ABCC6: variants seen among roughly 807,000 people sequenced by gnomAD.
ABCC6 encodes the protein ATP-binding cassette sub-family C member 6.
A neutral mutation model predicts 169.5 loss-of-function variants in ABCC6; 126 were observed. That is an observed-to-expected ratio of 0.74 (90% CI 0.64 to 0.86). The LOEUF is 0.86. Ranked by LOEUF, ABCC6 falls within the 40% of genes least tolerant of loss-of-function variation. The pLI is 0.00. For synonymous variants in ABCC6, 752 were observed against 814.7 expected (o/e 0.92, Z 1.31); for missense variants, 1,733 against 1,927.2 (o/e 0.90, Z 1.89).
At chr16:16,150,918 G>T in intron 29 of ABCC6, 146 bp from the exon 30 acceptor site, 5 of 1,489,296 alleles carry the variant, frequency 3.4e-6, no homozygotes, top group South Asian at 1.3e-5. Flanking sequence ...TGGGGTCTGT[G>T]GTCTGCAGAA....
intron 7 of ABCC6, among the ~76,000 whole-genome samples, chr16:16,205,305 A>C (rs2048358870): frequency 6.6e-6 from 1 of 152,216 alleles, no homozygotes; most frequent in African/African-American, 2.4e-5. Flanking sequence ...AGAGATGGCG[A>C]CAGCCGCCCG....
chr16:16,204,928 T>C (rs1282521741), intron 7 of ABCC6, among the ~76,000 whole-genome samples: 1 of 151,180 alleles, frequency 6.6e-6, no homozygotes, highest in African/African-American at 2.4e-5. Context: ...CTCTGCCTCC[T>C]GGGTTCAAGC....
chr16:16,178,006 AAGAG>A (rs909161695), intron 18 of ABCC6, among the ~76,000 whole-genome samples: 64 of 147,230 alleles, frequency 4.3e-4, no homozygotes, highest in African/African-American at 1.0e-3. Flanking sequence ...GAAGGAAGGA[AAGAG>A]AGAGAGAGAG....
chr16:16,169,937 G>A, intron 21 of ABCC6, 84 bp from the exon 22 acceptor site: 1 of 1,381,988 alleles, frequency 7.2e-7, no homozygotes, highest in Middle Eastern at 2.4e-4. Context: ...GAGGCTCCCA[G>A]AAAACATGCC....
At chr16:16,190,887 G>A (rs1226935998) in intron 11 of ABCC6, among the ~76,000 whole-genome samples, 2 of 130,562 alleles carry the variant, frequency 1.5e-5, no homozygotes, top group African/African-American at 5.6e-5. Flanking sequence ...TGGAGAAGAG[G>A]GAGGGGAGGG....
chr16:16,212,366 C>T lies in ABCC6; in HGVS notation c.601-120G>A, dbSNP rs892546971. The T allele has an allele frequency of 3.0e-4, 224 of 751,968 alleles. 1 individual carries two copies. The highest frequency in any genetic ancestry group is 4.5e-4 in the Non-Finnish European group (189 of 423,622). 46.6% of individuals were successfully genotyped at this position (751,968 alleles called of 1,614,324 possible). On this transcript the variant is annotated intron_variant, in intron 5 of 30. Transcript: ENST00000205557. ...CTCTGTTGCCCAGGCCAGAGTACAG[C>T]GGTGTGATCTTGGCTCACTACTACC...
At chr16:16,217,063 A>G (rs1017011275) in intron 4 of ABCC6, among the ~76,000 whole-genome samples, 5 of 151,926 alleles carry the variant, frequency 3.3e-5, no homozygotes, top group Non-Finnish European at 7.4e-5. Context: ...GAGCTAATGA[A>G]CCCCCTTGAC....
chr16:16,203,582 C>T lies in ABCC6; in HGVS notation c.826G>A (p.Gly276Ser), dbSNP rs200051606. Residue 276 changes from glycine to serine, a missense_variant, in exon 8 of 31, where the codon GGC becomes AGC. Around this residue, in one of 5 missense-constraint regions of ABCC6, gnomAD observed 1,601 missense variants for 1,635.5 expected, o/e 0.98. Coordinates refer to ENST00000205557, the MANE Select transcript of ABCC6 (RefSeq NM_001171.6). Reference protein sequence around the residue: ...HNKAIAFKRKGGSGMKAPETE... With the variant: ...HNKAIAFKRKSGSGMKAPETE... Reference sequence around the variant, plus strand: ...TCTGGAGCCTTCATGCCACTGCCGCCTTTCCTTTTAAATGCTATTGCCTTG... The same window carrying T: ...TCTGGAGCCTTCATGCCACTGCCGCTTTTCCTTTTAAATGCTATTGCCTTG... The T allele has an allele frequency of 6.2e-6, 10 of 1,614,058 alleles. No homozygotes were observed. The East Asian group carries it at 2.2e-4, about 36-fold the overall frequency.
At chr16:16,181,881 C>T (rs944196855) in intron 17 of ABCC6, 4 of 165,376 alleles carry the variant, frequency 2.4e-5, no homozygotes, top group Admixed American at 5.8e-5. Flanking sequence ...TGCAGTGAGC[C>T]GAGATTGCAT....
chr16:16,181,333 A>G lies in ABCC6; in HGVS notation c.2247+1079T>C, dbSNP rs558862238. 6.7e-5 allele frequency among the ~76,000 whole-genome samples: 9 copies of G among 135,076 alleles called. No homozygotes were observed. The East Asian group carries it at 2.0e-3, about 30-fold the overall frequency. 88.6% of individuals were successfully genotyped at this position (135,076 alleles called of 152,430 possible). A position where few individuals can be genotyped will look rare whatever the true frequency, so the allele number is the denominator to read the frequency against. On this transcript the variant is annotated intron_variant, in intron 17 of 30. Coordinates refer to ENST00000205557, the MANE Select transcript of ABCC6 (RefSeq NM_001171.6). ...ACTCCAGCCTGGGCAACAGAGCGAG[A>G]CTCCGTCTCAGAAAAAAAAAAAAAA... is the stretch of plus-strand genomic sequence containing the variant.
chr16:16,189,827 T>C lies in ABCC6; in HGVS notation c.1635+337A>G, dbSNP rs566893307. On this transcript the variant is annotated intron_variant, in intron 12 of 30. Coordinates refer to ENST00000205557, the MANE Select transcript of ABCC6 (RefSeq NM_001171.6). ...ATCACGTCCAGTGACAGGGTGGCTA[T>C]GGACATCTGCTGGCCAGGATCAGGG... Among the ~76,000 whole-genome samples, 12 of 152,258 alleles carry C rather than the reference T, an allele frequency of 7.9e-5. No homozygotes were observed. In the South Asian group the frequency reaches 2.5e-3, roughly 32 times the overall value.
rs778956327 is a variant in ABCC6, at chr16:16,150,168, A to G, written c.4477T>C (p.Phe1493Leu). Reference sequence around the variant, plus strand: ...CCTGACTCCTGGGCCAGTCTGTAAAACAGGCCCTTCTGGGCCAGCAGCTGG... The same window carrying G: ...CCTGACTCCTGGGCCAGTCTGTAAAGCAGGCCCTTCTGGGCCAGCAGCTGG... ...PAQLLAQKGL[F>L]YRLAQESGLV The change falls in exon 31 of 31, where the codon TTT (phenylalanine) becomes CTT (leucine). Residue 1493 changes from phenylalanine to leucine, a missense_variant. Coordinates refer to ENST00000205557, the MANE Select transcript of ABCC6 (RefSeq NM_001171.6). The G allele has an allele frequency of 5.4e-5, 87 of 1,613,168 alleles. No individual in the cohort carries two copies. The highest frequency in any genetic ancestry group is 9.3e-5 in the African/African-American group (7 of 74,890).
chr16:16,163,375 A>G (rs1244780293), intron 23 of ABCC6, among the ~76,000 whole-genome samples, 183 bp from the exon 24 acceptor site: 5 of 152,232 alleles, frequency 3.3e-5, no homozygotes, highest in East Asian at 3.9e-4. Flanking sequence ...TCAGAGTTCT[A>G]TGGTTTTTTT....
chr16:16,177,009 C>T (rs1446973697), intron 19 of ABCC6, among the ~76,000 whole-genome samples: 1 of 152,126 alleles, frequency 6.6e-6, no homozygotes, highest in Non-Finnish European at 1.5e-5. Flanking sequence ...TATTAGAAAC[C>T]CTAGCTAGCA....
chr16:16,183,804 G>A (rs73524048), intron 15 of ABCC6, among the ~76,000 whole-genome samples: 4,558 of 152,182 alleles, frequency 0.03, 126 homozygotes, highest in African/African-American at 0.072. Context: ...CCCAACAAAG[G>A]AGTTTCAGCC....
intron 7 of ABCC6, 63 bp downstream of exon 7, chr16:16,208,665 C>T (rs2048480916): frequency 5.0e-6 from 8 of 1,612,906 alleles, no homozygotes; most frequent in Admixed American, 1.7e-5. Flanking sequence ...AGCCACCGCA[C>T]CCGGCCAATG....
At chr16:16,157,503 G>A (rs1422132741) in intron 27 of ABCC6, among the ~76,000 whole-genome samples, 160 bp downstream of exon 27, 1 of 152,134 alleles carries the variant, frequency 6.6e-6, no homozygotes, top group Non-Finnish European at 1.5e-5. Context: ...GCAGGTTTGG[G>A]GAAGGTGAGG....
chr16:16,156,277 G>T (rs1427150028), intron 27 of ABCC6, among the ~76,000 whole-genome samples: 1 of 152,204 alleles, frequency 6.6e-6, no homozygotes, highest in Admixed American at 6.5e-5. Flanking sequence ...AGGCAGTGCT[G>T]CTCATGCTGC....
At chr16:16,209,950 C>T (rs371270150) in intron 6 of ABCC6, among the ~76,000 whole-genome samples, 11 of 151,678 alleles carry the variant, frequency 7.3e-5, no homozygotes, top group African/African-American at 2.4e-4. Flanking sequence ...AGGCTGGTCT[C>T]GAACTCCCGG....
Sources: allele counts gnomAD v4.1 joint callset (sites outside exome capture counted in the v4.1 genomes callset), GRCh38; gene constraint gnomAD v4.1.1; regional missense constraint gnomAD v4.1.1; transcripts MANE v1.5; gene names NCBI Gene and HGNC (gene_info 2026-07-23, HGNC 2026-07-21).